DOCK1: variants seen among roughly 807,000 people sequenced by gnomAD.
DOCK1 encodes dedicator of cytokinesis 1, also known as dedicator of cytokinesis protein 1.
Under a neutral mutation model 262.7 loss-of-function variants are expected in DOCK1, and 138 were observed. The ratio of observed to expected loss-of-function variants is 0.53; its 90% confidence interval spans 0.46 to 0.61. The LOEUF is 0.61. DOCK1 is among the 20% of genes least tolerant of loss of function. The probability of loss-of-function intolerance (pLI) is 0.00; values close to 1 mark genes in which losing one functional copy is unlikely to be tolerated. For synonymous variants in DOCK1, 866 were observed against 867.4 expected (o/e 1.00, Z 0.03); for missense variants, 1,908 against 2,370.7 (o/e 0.80, Z 4.05).
In DOCK1 at chr10:126,930,107, T is replaced by C. The variant is rs1010586275; in HGVS notation, c.46+24544T>C. On this transcript the variant is annotated intron_variant, in intron 1 of 51. Transcript: ENST00000623213. ...TGCCTTCGTCCATTTAGCGTGCTTA[T>C]CCACACTGTGGCATGGATTGCTGCT... Among the ~76,000 whole-genome samples, 924 of 152,324 alleles carry C rather than the reference T, an allele frequency of 6.1e-3. 9 individuals carry two copies. The highest frequency in any genetic ancestry group is 0.021 in the African/African-American group (883 of 41,574).
At chr10:127,297,452 TGATG>T (rs2061540729) in intron 29 of DOCK1, among the ~76,000 whole-genome samples, 1 of 151,886 alleles carries the variant, frequency 6.6e-6, no homozygotes, top group Non-Finnish European at 1.5e-5. Context: ...GGGACCATCT[TGATG>T]GAGGGAGGGA....
In DOCK1 at chr10:126,993,065, T is replaced by A. The variant is rs371903266; in HGVS notation, c.473+2462T>A. Among the ~76,000 whole-genome samples, 52 of 152,362 alleles carry A rather than the reference T, an allele frequency of 3.4e-4. 2 individuals are homozygous for A. Among genetic ancestry groups the A allele is most frequent in the African/African-American group, 1.2e-3 (50 of 41,592 alleles). On this transcript the variant is annotated intron_variant, in intron 6 of 51. Coordinates refer to ENST00000623213, the MANE Select transcript of DOCK1 (RefSeq NM_001290223.2). ...TGGCTCTGCCATTGGAGAGTTCTGA[T>A]ACAGAACCCAGGATCTGGTTTTGGA...
chr10:127,191,946 T>C (rs2056785965), intron 27 of DOCK1, among the ~76,000 whole-genome samples: 1 of 152,244 alleles, frequency 6.6e-6, no homozygotes, highest in Non-Finnish European at 1.5e-5. Context: ...ATGTCTCTCA[T>C]ATGTTGTAGT....
chr10:127,374,297 G>T, intron 35 of DOCK1, 83 bp downstream of exon 35: 1 of 1,461,842 alleles, frequency 6.8e-7, no homozygotes, highest in Non-Finnish European at 9.0e-7. Context: ...CCTTATCTAT[G>T]ACAGTCAGCC....
intron 23 of DOCK1, among the ~76,000 whole-genome samples, chr10:127,065,661 A>G (rs1376192795): frequency 6.6e-6 from 1 of 152,014 alleles, no homozygotes; most frequent in African/African-American, 2.4e-5. Context: ...TTCCATATTG[A>G]CTTTCCCTCA....
chr10:127,372,928 G>A (rs923144977), intron 33 of DOCK1, among the ~76,000 whole-genome samples: 2 of 152,150 alleles, frequency 1.3e-5, no homozygotes, highest in African/African-American at 2.4e-5. Flanking sequence ...AGGGCCCCCT[G>A]CAGCATGGCT....
chr10:127,381,743 G>A (rs1217516242), intron 37 of DOCK1, among the ~76,000 whole-genome samples: 1 of 152,180 alleles, frequency 6.6e-6, no homozygotes, highest in Non-Finnish European at 1.5e-5. Flanking sequence ...GATAGGATGA[G>A]ACATACCCCT....
chr10:126,985,639 A>G (rs1352173002), intron 4 of DOCK1, among the ~76,000 whole-genome samples: 2 of 152,180 alleles, frequency 1.3e-5, no homozygotes, highest in Non-Finnish European at 2.9e-5. Context: ...CGTAAGATGA[A>G]AACAGCCCAG....
At chr10:127,038,430 C>G (rs2043800625) in intron 19 of DOCK1, among the ~76,000 whole-genome samples, 1 of 152,110 alleles carries the variant, frequency 6.6e-6, no homozygotes, top group Non-Finnish European at 1.5e-5. Context: ...CTTTAAGCCT[C>G]TCTTTCCCCT....
chr10:127,425,910 G>A lies in DOCK1; in HGVS notation c.4813G>A (p.Asp1605Asn), dbSNP rs1346206524. The A allele has an allele frequency of 6.2e-7, 1 of 1,614,058 alleles. No homozygotes were observed. Among genetic ancestry groups the A allele is most frequent in the East Asian group, 2.2e-5 (1 of 44,892 alleles). The change falls in exon 47 of 52, where the codon GAC becomes AAC. Residue 1605 changes from aspartate (D) to asparagine (N), a missense_variant. Physicochemically the swap from Asp to Asn is conservative, Grantham distance 23. Around this residue, in one of 9 missense-constraint regions of DOCK1, gnomAD observed 383 missense variants for 420.1 expected, o/e 0.91. Coordinates refer to ENST00000623213, the MANE Select transcript of DOCK1 (RefSeq NM_001290223.2). ...GGCCGAAGGGATCAGAATCCATGGA[G>A]ACAAAGTCACGGAGGCACTGAGGCC... ...FLAEGIRIHG[D>N]KVTEALRPFH...
intron 20 of DOCK1, 135 bp downstream of exon 20, chr10:127,042,849 T>C (rs2044109316): frequency 2.0e-6 from 2 of 981,590 alleles, no homozygotes; most frequent in Non-Finnish European, 3.0e-6. Flanking sequence ...CAGAGATGAA[T>C]TGGGGTGGCA....
chr10:127,107,672 C>T (rs987492097), intron 24 of DOCK1, among the ~76,000 whole-genome samples: 1 of 152,146 alleles, frequency 6.6e-6, no homozygotes, highest in African/African-American at 2.4e-5. Flanking sequence ...TGGCTTCCTC[C>T]CCAGACCTTC....
In DOCK1 at chr10:127,037,755, C is replaced by G; in HGVS notation, c.1949C>G (p.Thr650Ser). Residue 650 changes from threonine to serine, a missense_variant, in exon 19 of 52, where the codon ACC (threonine) becomes AGC (serine). Thr to Ser is a moderately conservative substitution (Grantham distance 58, BLOSUM62 1). This residue lies in a region of DOCK1 where 294 missense variants were observed against 439.9 expected (regional missense o/e 0.67). Transcript: ENST00000623213. ...GGGCTCTTGAAATGGCGCTCCAACA[C>G]CAGCCTGCTGCAGCAGAACTTGAGG... ...LLGLLKWRSN[T>S]SLLQQNLRQL... The G allele has an allele frequency of 6.3e-7, 1 of 1,597,490 alleles. No homozygotes were observed. Among genetic ancestry groups the G allele is most frequent in the Non-Finnish European group, 8.5e-7 (1 of 1,171,898 alleles).
At chr10:127,314,589 T>C (rs1322203306) in intron 29 of DOCK1, among the ~76,000 whole-genome samples, 3,441 of 152,304 alleles carry the variant, frequency 0.023, 134 homozygotes, top group African/African-American at 0.078. Context: ...TAGATCCTGT[T>C]TTGTTTTTGT....
intron 29 of DOCK1, among the ~76,000 whole-genome samples, chr10:127,284,851 G>A (rs565197462): frequency 3.3e-5 from 5 of 152,218 alleles, no homozygotes; most frequent in South Asian, 4.1e-4. Context: ...ATTTGGCATC[G>A]GCCAGGTGCG....
intron 29 of DOCK1, among the ~76,000 whole-genome samples, chr10:127,303,710 A>G (rs1283430446): frequency 1.4e-5 from 2 of 147,474 alleles, no homozygotes; most frequent in African/African-American, 5.2e-5. Context: ...AATTTTTAAA[A>G]ATTAGCCGGA....
At chr10:127,181,095 A>G (rs1167528) in intron 27 of DOCK1, among the ~76,000 whole-genome samples, 152,065 of 152,294 alleles carry the variant, frequency 1, 75,918 homozygotes, top group Non-Finnish European at 1. Context: ...GCTATAAGTA[A>G]TTTGTCAAAG....
At chr10:127,396,917 T>TA (rs1481152310) in intron 38 of DOCK1, among the ~76,000 whole-genome samples, 1 of 152,006 alleles carries the variant, frequency 6.6e-6, no homozygotes. Context: ...GAGCATGAGT[T>TA]ACACGGGCAG....
rs80103852 is a variant in DOCK1, at chr10:127,113,468, C to T, written c.2623+3114C>T. On this transcript the variant is annotated intron_variant, in intron 25 of 51. Coordinates refer to ENST00000623213, the MANE Select transcript of DOCK1 (RefSeq NM_001290223.2). ...GCACTAAAACATTTCTTTTTATCTC[C>T]GCCTGATATAATGACAAGTAGATCT... Among the ~76,000 whole-genome samples, 1,438 of 152,256 alleles carry T rather than the reference C, an allele frequency of 9.4e-3. 22 individuals are homozygous for T. Among genetic ancestry groups the T allele is most frequent in the African/African-American group, 0.032 (1,347 of 41,544 alleles).
Sources: gnomAD v4.1 joint callset for allele counts (sites outside exome capture counted in the v4.1 genomes callset) on GRCh38, gnomAD v4.1.1 for gene constraint, gnomAD v4.1.1 regional missense constraint, MANE v1.5 for transcripts, NCBI Gene and HGNC (gene_info 2026-07-23, HGNC 2026-07-21) for gene names.